The following DACH1 variants were observed in gnomAD, a reference collection of about 807,000 sequenced individuals.
DACH1 encodes the protein dachshund homolog 1.
In DACH1, 12 loss-of-function variants were observed where a neutral mutation model predicts 54.2. That is an observed-to-expected ratio of 0.22 (90% CI 0.14 to 0.36). DACH1 has a LOEUF of 0.36. Among genes scored for constraint, DACH1 ranks in the 10% least tolerant of loss-of-function variants. DACH1 has a pLI of 1.00. For synonymous variants in DACH1, 386 were observed against 366.2 expected (o/e 1.05, Z -0.62); for missense variants, 805 against 929.8 (o/e 0.87, Z 1.75).
At chr13:71,563,386 G>A (rs1884711546) in intron 4 of DACH1, among the ~76,000 whole-genome samples, 1 of 151,798 alleles carries the variant, frequency 6.6e-6, no homozygotes, top group Non-Finnish European at 1.5e-5. Context: ...TAGATTTCTT[G>A]GTAGTGCTAA....
chr13:71,812,466 A>G (rs781417109), intron 1 of DACH1, among the ~76,000 whole-genome samples: 1 of 152,092 alleles, frequency 6.6e-6, no homozygotes, highest in African/African-American at 2.4e-5. Flanking sequence ...ATTTTATGCT[A>G]TAATCAGTAT....
At chr13:71,798,436 C>T (rs1355868764) in intron 1 of DACH1, among the ~76,000 whole-genome samples, 1 of 149,190 alleles carries the variant, frequency 6.7e-6, no homozygotes, top group Non-Finnish European at 1.5e-5. Flanking sequence ...CATTCATACA[C>T]CCAAACAATA....
chr13:71,825,519 T>C (rs1888346158), intron 1 of DACH1, among the ~76,000 whole-genome samples: 1 of 152,142 alleles, frequency 6.6e-6, no homozygotes, highest in Non-Finnish European at 1.5e-5. Context: ...TAATTTTGCC[T>C]ATTCTGGTCA....
chr13:71,577,834 T>C (rs1885626044), intron 3 of DACH1, among the ~76,000 whole-genome samples: 2 of 152,282 alleles, frequency 1.3e-5, no homozygotes, highest in South Asian at 4.1e-4. Flanking sequence ...TTAGTTTCTC[T>C]ACTAAAAACA....
chr13:71,533,261 T>C (rs1376867774), intron 6 of DACH1, among the ~76,000 whole-genome samples: 1 of 151,976 alleles, frequency 6.6e-6, no homozygotes, highest in Non-Finnish European at 1.5e-5. Context: ...AGAGAAATAT[T>C]TTCTCCATTT....
At chr13:71,632,638 C>T (rs571630588) in intron 2 of DACH1, among the ~76,000 whole-genome samples, 1 of 152,188 alleles carries the variant, frequency 6.6e-6, no homozygotes, top group East Asian at 1.9e-4. Flanking sequence ...CCATGAAAAT[C>T]TCTGCTGGCT....
intron 1 of DACH1, among the ~76,000 whole-genome samples, chr13:71,729,986 G>A (rs1258723804): frequency 2.6e-5 from 4 of 151,950 alleles, no homozygotes; most frequent in African/African-American, 9.7e-5. Context: ...AAGTTATTCT[G>A]TATATATGTA....
intron 3 of DACH1, among the ~76,000 whole-genome samples, chr13:71,623,479 CCT>C (rs1448530429): frequency 6.6e-6 from 1 of 151,576 alleles, no homozygotes; most frequent in African/African-American, 2.4e-5. Context: ...GTGGCATCAT[CCT>C]TTTTTTATAT....
At chr13:71,522,135 G>T (rs952512148) in intron 6 of DACH1, among the ~76,000 whole-genome samples, 1 of 152,106 alleles carries the variant, frequency 6.6e-6, no homozygotes, top group Non-Finnish European at 1.5e-5. Flanking sequence ...ATTGTTTTTA[G>T]TAAGTGGATG....
chr13:71,690,516 T>C (rs114213357), intron 1 of DACH1, among the ~76,000 whole-genome samples: 2,243 of 152,320 alleles, frequency 0.015, 45 homozygotes, highest in East Asian at 0.047. Flanking sequence ...CTGAAATAAT[T>C]AGAAACAATT....
At chr13:71,693,703 AAGAG>A (rs1881656825) in intron 1 of DACH1, among the ~76,000 whole-genome samples, 1 of 152,054 alleles carries the variant, frequency 6.6e-6, no homozygotes, top group Admixed American at 6.5e-5. Flanking sequence ...GAATGAGAGA[AAGAG>A]AGGCCACATT....
chr13:71,479,898 C>A (rs1011650462), intron 7 of DACH1, among the ~76,000 whole-genome samples: 1 of 152,130 alleles, frequency 6.6e-6, no homozygotes, highest in African/African-American at 2.4e-5. Flanking sequence ...GGCTCACACC[C>A]TCATTTCATT....
At chr13:71,668,239 A>G (rs1490546568) in intron 2 of DACH1, among the ~76,000 whole-genome samples, 1 of 152,090 alleles carries the variant, frequency 6.6e-6, no homozygotes, top group African/African-American at 2.4e-5. Context: ...AATTAAACCC[A>G]AAATAATAAC....
chr13:71,508,668 T>A (rs1005169714), intron 6 of DACH1, among the ~76,000 whole-genome samples: 4 of 151,970 alleles, frequency 2.6e-5, no homozygotes, highest in Non-Finnish European at 4.4e-5. Context: ...GGTCTCACTA[T>A]GTTGCCCAAG....
At chr13:71,456,398 C>T (rs1417889503) in intron 10 of DACH1, among the ~76,000 whole-genome samples, 3 of 151,912 alleles carry the variant, frequency 2.0e-5, no homozygotes, top group Admixed American at 1.3e-4. Context: ...GTCAGTATTG[C>T]CTTATTTTCC....
At chr13:71,536,823 G>A (rs530487011) in intron 6 of DACH1, among the ~76,000 whole-genome samples, 4 of 151,808 alleles carry the variant, frequency 2.6e-5, no homozygotes, top group Admixed American at 1.3e-4. Flanking sequence ...CAAGAAATCC[G>A]CTCAACACCA....
chr13:71,832,053 C>G (rs755314448), intron 1 of DACH1, among the ~76,000 whole-genome samples: 8 of 151,926 alleles, frequency 5.3e-5, no homozygotes, highest in Non-Finnish European at 7.4e-5. Context: ...GCTGTCAGCA[C>G]ACAAGAATTT....
chr13:71,768,570 C>T (rs1885730632), intron 1 of DACH1, among the ~76,000 whole-genome samples: 1 of 151,932 alleles, frequency 6.6e-6, no homozygotes. Context: ...GTTGCAGTTA[C>T]AGTTCTACAG....
intron 1 of DACH1, among the ~76,000 whole-genome samples, chr13:71,771,789 C>T (rs1035200031): frequency 4.0e-5 from 6 of 149,252 alleles, no homozygotes; most frequent in Non-Finnish European, 7.4e-5. Context: ...CACACATACA[C>T]ACACACTCTT....
Sources: gnomAD v4.1 joint callset for allele counts (sites outside exome capture counted in the v4.1 genomes callset) on GRCh38, gnomAD v4.1.1 for gene constraint, MANE v1.5 for transcripts, NCBI Gene and HGNC (gene_info 2026-07-23, HGNC 2026-07-21) for gene names.